AGXT2: variants seen among roughly 807,000 people sequenced by gnomAD.
AGXT2 encodes alanine--glyoxylate aminotransferase 2, also known as alanine--glyoxylate aminotransferase 2, mitochondrial.
AGXT2 carries 61 observed loss-of-function variants against 62.5 expected under a neutral mutation model. That is an observed-to-expected ratio of 0.98 (90% confidence interval 0.79 to 1.21). The LOEUF (loss-of-function observed/expected upper bound fraction) is 1.21, where lower values mean the gene tolerates loss of function less well. Among genes scored for constraint, AGXT2 ranks in the 50% most tolerant of loss-of-function variants. AGXT2 has a pLI of 0.00. For missense variants in AGXT2, 666 were observed against 641.5 expected (o/e 1.04, Z -0.41); for synonymous variants, 243 against 218.7 (o/e 1.11, Z -0.98).
At chr5:35,015,606 T>G (rs929281084) in intron 9 of AGXT2, among the ~76,000 whole-genome samples, 2 of 151,954 alleles carry the variant, frequency 1.3e-5, no homozygotes, top group African/African-American at 2.4e-5. Flanking sequence ...TCTCAGCACT[T>G]TGGGAGGCCG....
intron 7 of AGXT2, among the ~76,000 whole-genome samples, chr5:35,027,633 G>A (rs976541718): frequency 6.6e-6 from 1 of 151,638 alleles, no homozygotes; most frequent in Non-Finnish European, 1.5e-5. Context: ...TGATTGCGGA[G>A]TTTTGTGTAT....
intron 4 of AGXT2, 91 bp downstream of exon 4, chr5:35,036,851 G>A: frequency 6.3e-7 from 1 of 1,592,008 alleles, no homozygotes; most frequent in Non-Finnish European, 8.6e-7. Flanking sequence ...CGCTCCCCTA[G>A]AATCATAAGA....
At chr5:35,014,179 C>T (rs929128274) in intron 9 of AGXT2, 60 bp from the exon 10 acceptor site, 37 of 1,607,786 alleles carry the variant, frequency 2.3e-5, no homozygotes, top group Admixed American at 1.2e-4. Context: ...TTCGACAGGG[C>T]GCGGTGGCTC....
At chr5:35,040,504 A>T in intron 2 of AGXT2, 71 bp downstream of exon 2, 1 of 1,417,372 alleles carries the variant, frequency 7.1e-7, no homozygotes, top group Non-Finnish European at 1.0e-6. Flanking sequence ...TGTCATTCTT[A>T]AGGAAACAAT....
At chr5:35,040,832 A>T (rs1767957082) in intron 1 of AGXT2, among the ~76,000 whole-genome samples, 169 bp from the exon 2 acceptor site, 1 of 152,160 alleles carries the variant, frequency 6.6e-6, no homozygotes, top group Admixed American at 6.5e-5. Flanking sequence ...CTCAATAATG[A>T]GTTTTCTGGA....
At chr5:35,000,780 A>G (rs538805749) in intron 13 of AGXT2, among the ~76,000 whole-genome samples, 2 of 152,348 alleles carry the variant, frequency 1.3e-5, no homozygotes, top group South Asian at 4.1e-4. Context: ...TCCTCATCTC[A>G]CTGTGTAAAT....
intron 5 of AGXT2, 145 bp from the exon 6 acceptor site, chr5:35,033,698 G>A: frequency 1.4e-6 from 1 of 690,156 alleles, no homozygotes; most frequent in South Asian, 1.6e-5. Flanking sequence ...CTAAGCTTAT[G>A]TCGGATCAAT....
chr5:35,020,452 A>C (rs1020247456), intron 9 of AGXT2, among the ~76,000 whole-genome samples: 2 of 152,230 alleles, frequency 1.3e-5, no homozygotes, highest in Admixed American at 1.3e-4. Context: ...CCAGCATATA[A>C]GCAGAACCAA....
intron 12 of AGXT2, among the ~76,000 whole-genome samples, chr5:35,009,378 T>G (rs1476556258): frequency 1.3e-5 from 2 of 152,080 alleles, no homozygotes; most frequent in African/African-American, 4.8e-5. Flanking sequence ...GGCAGATAAC[T>G]TGAGGTAAGG....
At chr5:35,043,394 G>A (rs112241357) in intron 1 of AGXT2, among the ~76,000 whole-genome samples, 6,438 of 152,236 alleles carry the variant, frequency 0.042, 178 homozygotes, top group Middle Eastern at 0.071. Context: ...TACTGAGACA[G>A]GTCTGGCTCT....
intron 1 of AGXT2, 95 bp from the exon 2 acceptor site, chr5:35,040,758 AT>A: frequency 1.0e-6 from 1 of 959,806 alleles, no homozygotes; most frequent in Non-Finnish European, 1.7e-6. Flanking sequence ...TGCTTAGATA[AT>A]TTTATTTCTT....
At chr5:35,005,618 C>T (rs892213545) in intron 12 of AGXT2, among the ~76,000 whole-genome samples, 3 of 151,378 alleles carry the variant, frequency 2.0e-5, no homozygotes, top group African/African-American at 7.3e-5. Flanking sequence ...CCATTTTATC[C>T]CTCCCTGACC....
intron 7 of AGXT2, among the ~76,000 whole-genome samples, 171 bp downstream of exon 7, chr5:35,032,561 T>G (rs1039334582): frequency 6.6e-6 from 1 of 152,174 alleles, no homozygotes; most frequent in Non-Finnish European, 1.5e-5. Flanking sequence ...ATAGCAGACA[T>G]AAGCGTTGAT....
chr5:35,003,961 C>A, intron 12 of AGXT2, 100 bp from the exon 13 acceptor site: 1 of 1,076,946 alleles, frequency 9.3e-7, no homozygotes, highest in Admixed American at 2.1e-5. Flanking sequence ...GCCATCAATG[C>A]CCCTCTTTTT....
intron 1 of AGXT2, among the ~76,000 whole-genome samples, chr5:35,041,073 C>T (rs1424187142): frequency 6.6e-6 from 1 of 151,878 alleles, no homozygotes; most frequent in Non-Finnish European, 1.5e-5. Flanking sequence ...TAGTGTGTAG[C>T]CAGTGCCTGG....
chr5:35,007,569 AT>A (rs1766476042), intron 12 of AGXT2, among the ~76,000 whole-genome samples: 1 of 152,166 alleles, frequency 6.6e-6, no homozygotes. Flanking sequence ...CTTGAGTGGC[AT>A]TTGGATTTGG....
intron 3 of AGXT2, among the ~76,000 whole-genome samples, chr5:35,038,540 G>T (rs943456837): frequency 6.6e-6 from 1 of 152,198 alleles, no homozygotes; most frequent in Admixed American, 6.5e-5. Context: ...AAAAGATGAG[G>T]GCTGGGCCCC....
intron 9 of AGXT2, among the ~76,000 whole-genome samples, chr5:35,024,665 A>G (rs963330703): frequency 1.3e-5 from 2 of 152,158 alleles, no homozygotes; most frequent in African/African-American, 4.8e-5. Context: ...GATTATTATT[A>G]TTATTTTAAA....
intron 13 of AGXT2, among the ~76,000 whole-genome samples, chr5:35,002,578 A>G (rs745856640): frequency 1.9e-4 from 29 of 152,252 alleles, no homozygotes; most frequent in Non-Finnish European, 4.1e-4. Flanking sequence ...GGCAAAGCCC[A>G]TGAAGGCCCA....
Sources: gnomAD v4.1 joint callset for allele counts (sites outside exome capture counted in the v4.1 genomes callset) on GRCh38, gnomAD v4.1.1 for gene constraint, MANE v1.5 for transcripts, NCBI Gene and HGNC (gene_info 2026-07-23, HGNC 2026-07-21) for gene names.